NALF1: variants seen among roughly 807,000 people sequenced by gnomAD.
NALF1 encodes the protein family with sequence similarity 155 member A.
A neutral mutation model predicts 48.4 loss-of-function variants in NALF1; 3 were observed. The ratio of observed to expected loss-of-function variants is 0.06; its 90% CI spans 0.03 to 0.16. The LOEUF (loss-of-function observed/expected upper bound fraction) is 0.16. Ranked by LOEUF, NALF1 falls within the 10% of genes least tolerant of loss-of-function variation. NALF1 has a pLI of 1.00. For synonymous variants in NALF1, 262 were observed against 245.7 expected (o/e 1.07, Z -0.62); for missense variants, 526 against 571.5 (o/e 0.92, Z 0.81).
intron 1 of NALF1, among the ~76,000 whole-genome samples, chr13:107,587,280 G>A (rs1189613849): frequency 2.0e-5 from 3 of 151,988 alleles, no homozygotes; most frequent in Non-Finnish European, 4.4e-5. Flanking sequence ...ACCACACGTG[G>A]GTTCCTTAAA....
chr13:107,221,043 G>A (rs1490502986), intron 1 of NALF1, among the ~76,000 whole-genome samples: 1 of 152,090 alleles, frequency 6.6e-6, no homozygotes, highest in South Asian at 2.1e-4. Flanking sequence ...ACCAAATACT[G>A]CATATTCTCA....
chr13:107,259,818 G>A (rs920053934), intron 1 of NALF1, among the ~76,000 whole-genome samples: 4 of 152,064 alleles, frequency 2.6e-5, no homozygotes, highest in South Asian at 4.1e-4. Flanking sequence ...ACTTGAAAGC[G>A]AACAATACTC....
chr13:107,664,564 C>G (rs1049813522), intron 1 of NALF1, among the ~76,000 whole-genome samples: 3 of 152,184 alleles, frequency 2.0e-5, no homozygotes, highest in African/African-American at 7.2e-5. Flanking sequence ...CGCCACTCCC[C>G]AACTTCAGTC....
At chr13:107,308,456 C>G (rs551526438) in intron 1 of NALF1, among the ~76,000 whole-genome samples, 22 of 152,084 alleles carry the variant, frequency 1.4e-4, no homozygotes, top group African/African-American at 5.3e-4. Flanking sequence ...CCCGCCTCGG[C>G]CTCCCAAAGT....
chr13:107,627,296 C>A (rs1450016029), intron 1 of NALF1, among the ~76,000 whole-genome samples: 1 of 152,020 alleles, frequency 6.6e-6, no homozygotes, highest in East Asian at 1.9e-4. Flanking sequence ...TGAGATTAAG[C>A]ACTACACCAG....
At chr13:107,574,357 G>A (rs1314043333) in intron 1 of NALF1, among the ~76,000 whole-genome samples, 2 of 152,056 alleles carry the variant, frequency 1.3e-5, no homozygotes, top group African/African-American at 4.8e-5. Flanking sequence ...ATGCCTTTAT[G>A]ATTAATTGTT....
chr13:107,507,661 A>T (rs1875746198), intron 1 of NALF1, among the ~76,000 whole-genome samples: 1 of 149,988 alleles, frequency 6.7e-6, no homozygotes, highest in Admixed American at 6.7e-5. Flanking sequence ...TTGCAGAGCG[A>T]CTTTTTCTAG....
chr13:107,525,945 GTGTC>G (rs1265382372), intron 1 of NALF1, among the ~76,000 whole-genome samples: 1 of 151,968 alleles, frequency 6.6e-6, no homozygotes, highest in Non-Finnish European at 1.5e-5. Context: ...ATTTCATAAA[GTGTC>G]TGTACATGTT....
chr13:107,724,324 C>G (rs1283604166), intron 1 of NALF1, among the ~76,000 whole-genome samples: 1 of 150,562 alleles, frequency 6.6e-6, no homozygotes, highest in Non-Finnish European at 1.5e-5. Flanking sequence ...TAAAGTTTTA[C>G]CTAATACAAA....
intron 1 of NALF1, among the ~76,000 whole-genome samples, chr13:107,358,650 C>T (rs1883006409): frequency 6.6e-6 from 1 of 152,072 alleles, no homozygotes; most frequent in Non-Finnish European, 1.5e-5. Context: ...AAATGCAATA[C>T]CTTCTGCCAT....
chr13:107,726,243 C>T (rs1876146272), intron 1 of NALF1, among the ~76,000 whole-genome samples: 2 of 152,010 alleles, frequency 1.3e-5, no homozygotes, highest in South Asian at 2.1e-4. Context: ...TTTTATTTTA[C>T]CAGTAGTGAC....
At chr13:107,447,334 T>C (rs908109607) in intron 1 of NALF1, among the ~76,000 whole-genome samples, 1 of 152,174 alleles carries the variant, frequency 6.6e-6, no homozygotes, top group Non-Finnish European at 1.5e-5. Context: ...CGTGCAGAGC[T>C]CACCTGAAAG....
At chr13:107,172,277 G>A (rs1022527929) in intron 2 of NALF1, among the ~76,000 whole-genome samples, 1 of 152,032 alleles carries the variant, frequency 6.6e-6, no homozygotes, top group Non-Finnish European at 1.5e-5. Context: ...TATTTTTCTT[G>A]TAATCACAAT....
chr13:107,213,561 G>A (rs531196614), intron 1 of NALF1, among the ~76,000 whole-genome samples: 4 of 152,294 alleles, frequency 2.6e-5, no homozygotes, highest in African/African-American at 7.2e-5. Context: ...ATCGAAATCC[G>A]AAGGACGGAG....
At chr13:107,346,170 CG>C (rs374921961) in intron 1 of NALF1, among the ~76,000 whole-genome samples, 38 of 150,870 alleles carry the variant, frequency 2.5e-4, no homozygotes, top group African/African-American at 9.0e-4. Flanking sequence ...TTGTTGGGGG[CG>C]GGGGGGCAGA....
At chr13:107,754,378 CA>C in intron 1 of NALF1, among the ~76,000 whole-genome samples, 1 of 151,556 alleles carries the variant, frequency 6.6e-6, no homozygotes, top group South Asian at 2.1e-4. Flanking sequence ...CACACACACA[CA>C]CACACACACA....
intron 1 of NALF1, among the ~76,000 whole-genome samples, chr13:107,809,661 G>A (rs1271377446): frequency 6.6e-6 from 1 of 152,020 alleles, no homozygotes; most frequent in African/African-American, 2.4e-5. Flanking sequence ...TCAATTTTTG[G>A]AAGACTTATT....
chr13:107,622,472 A>C (rs1338625494), intron 1 of NALF1, among the ~76,000 whole-genome samples: 1 of 25,804 alleles, frequency 3.9e-5, no homozygotes, highest in Non-Finnish European at 1.3e-4. Context: ...CAACAACAAC[A>C]AAAAAAAAAA....
chr13:107,307,617 G>A (rs1408787759), intron 1 of NALF1, among the ~76,000 whole-genome samples: 1 of 141,956 alleles, frequency 7.0e-6, no homozygotes, highest in Non-Finnish European at 1.5e-5. Context: ...CTGAGTAGCT[G>A]GATGATTCCT....
Sources: allele counts gnomAD v4.1 joint callset (sites outside exome capture counted in the v4.1 genomes callset), GRCh38; gene constraint gnomAD v4.1.1; transcripts MANE v1.5; gene names NCBI Gene and HGNC (gene_info 2026-07-23, HGNC 2026-07-21).